Variants in ACLY observed in about 807,000 individuals in gnomAD.
The protein encoded by ACLY is ATP-citrate synthase.
In ACLY, 41 loss-of-function variants were observed where a neutral mutation model predicts 133.0. The observed-to-expected ratio is 0.31, with a 90% CI of 0.24 to 0.40. The LOEUF is 0.40. ACLY is among the 10% of genes least tolerant of loss of function. The probability of loss-of-function intolerance (pLI) is 1.00; values close to 1 mark genes in which losing one functional copy is unlikely to be tolerated. For synonymous variants in ACLY, 495 were observed against 549.3 expected, an observed-to-expected ratio of 0.90 and a Z score of 1.38; for missense variants, 1,046 against 1,453.8, an observed-to-expected ratio of 0.72 and a Z score of 4.56.
intron 14 of ACLY, 82 bp from the exon 15 acceptor site, chr17:41,893,256 C>G: frequency 6.9e-7 from 1 of 1,453,962 alleles, no homozygotes; most frequent in South Asian, 1.4e-5. Context: ...CTGACAGACC[C>G]CTCCACGCCC....
At chr17:41,915,186 C>G (rs898563296) in intron 1 of ACLY, among the ~76,000 whole-genome samples, 10 of 152,190 alleles carry the variant, frequency 6.6e-5, no homozygotes, top group Non-Finnish European at 1.0e-4. Flanking sequence ...AAGACTCTGT[C>G]CTGATACACC....
chr17:41,901,750 C>T lies in ACLY; in HGVS notation c.1129G>A (p.Val377Ile). The stretch of plus-strand genomic sequence containing the variant: ...TGATAGTTGGGGCCACCTCTTCGGA[C>T]AAAGATTGTGACTTCGTGCTCCTTC... ...PLKEHEVTIF[V>I]RRGGPNYQEG... Residue 377 changes from valine to isoleucine, a missense_variant, in exon 11 of 29, where the codon GTC becomes ATC. Transcript: ENST00000352035. The T allele has an allele frequency of 6.2e-7, 1 of 1,608,914 alleles. No homozygotes were observed. Among genetic ancestry groups the T allele is most frequent in the Non-Finnish European group, 8.5e-7 (1 of 1,177,118 alleles).
chr17:41,875,885 G>A (rs1236784647), intron 22 of ACLY, among the ~76,000 whole-genome samples: 26 of 151,800 alleles, frequency 1.7e-4, no homozygotes, highest in African/African-American at 3.9e-4. Context: ...AGTGAGGAGC[G>A]TCTCTGCCTG....
intron 24 of ACLY, 30 bp downstream of exon 24, chr17:41,872,002 C>G: frequency 6.2e-7 from 1 of 1,612,476 alleles, no homozygotes; most frequent in Non-Finnish European, 8.5e-7. Context: ...AGTGTCCCCA[C>G]TGTTCACCTC....
intron 17 of ACLY, 93 bp downstream of exon 17, chr17:41,887,506 G>A: frequency 1.0e-6 from 1 of 978,158 alleles, no homozygotes; most frequent in Admixed American, 1.8e-5. Context: ...AACCTAGGAG[G>A]GAGATAGAGG....
intron 9 of ACLY, 68 bp from the exon 10 acceptor site, chr17:41,904,858 C>T: frequency 1.4e-6 from 2 of 1,473,930 alleles, no homozygotes; most frequent in East Asian, 2.3e-5. Flanking sequence ...CCCAGCAATC[C>T]AACTGAGGAA....
chr17:41,878,246 C>A, intron 21 of ACLY, 50 bp from the exon 22 acceptor site: 1 of 1,362,736 alleles, frequency 7.3e-7, no homozygotes, highest in Middle Eastern at 1.9e-4. Context: ...TTATTTTGGG[C>A]TCCTGTAAGA....
intron 7 of ACLY, 120 bp downstream of exon 7, chr17:41,907,322 C>A: frequency 1.3e-5 from 8 of 634,750 alleles, no homozygotes; most frequent in East Asian, 3.6e-5. Context: ...AAATGCTTCT[C>A]AGTCTTCCTT....
upstream of ACLY, chr17:41,919,167 G>T (rs1440410614): frequency 1.3e-5 from 12 of 924,454 alleles, no homozygotes; most frequent in Admixed American, 4.4e-5. Flanking sequence ...CCCATCCACC[G>T]CCTCTTGGGA....
At chr17:41,875,757 A>T (rs1555626013) in intron 22 of ACLY, among the ~76,000 whole-genome samples, 1 of 152,198 alleles carries the variant, frequency 6.6e-6, no homozygotes, top group Non-Finnish European at 1.5e-5. Context: ...AATGGTGCCC[A>T]GGCTGGAGTG....
chr17:41,889,524 C>CAAAAAA (rs533387140), intron 16 of ACLY, among the ~76,000 whole-genome samples: 4,690 of 31,580 alleles, frequency 0.15, 1,998 homozygotes, highest in South Asian at 0.21. Context: ...CTCCATTTCA[C>CAAAAAA]AAAAAAAAAA....
upstream of ACLY, among the ~76,000 whole-genome samples, chr17:41,919,555 T>C (rs528345310): frequency 6.6e-6 from 1 of 152,218 alleles, no homozygotes; most frequent in African/African-American, 2.4e-5. Context: ...CAGAGCATAC[T>C]TCCCAGTGTG....
chr17:41,886,195 G>A lies in ACLY; in HGVS notation c.1989C>T (p.Ser663=), dbSNP rs782411265. 43 of 1,614,044 alleles carry A rather than the reference G, an allele frequency of 2.7e-5. No individual in the cohort carries two copies. The highest frequency in any genetic ancestry group is 6.7e-5 in the East Asian group (3 of 44,898). ...TGTTGAGCTCGTTGGACATGCCTCC[G>A]GAACGTGAGACATAGGCCACGCTGC... The part of the protein sequence containing the change: ...RPGSVAYVSR[S]GGMSNELNNI... Residue 663 remains serine (S), a synonymous_variant, in exon 18 of 29, where the codon TCC becomes TCT. Coordinates refer to ENST00000352035, the MANE Select transcript of ACLY (RefSeq NM_001096.3).
intron 10 of ACLY, among the ~76,000 whole-genome samples, chr17:41,904,057 T>C (rs1293937426): frequency 2.0e-5 from 3 of 149,510 alleles, no homozygotes; most frequent in Admixed American, 6.8e-5. Flanking sequence ...GCAGAGGCTG[T>C]AGTGAGCTGA....
At chr17:41,912,096 A>G (rs1277282839) in intron 3 of ACLY, among the ~76,000 whole-genome samples, 3 of 151,632 alleles carry the variant, frequency 2.0e-5, no homozygotes, top group South Asian at 4.2e-4. Context: ...CCTGGGCTAC[A>G]GAGCAAGACC....
intron 15 of ACLY, 138 bp downstream of exon 15, chr17:41,892,895 T>A: frequency 9.3e-7 from 1 of 1,080,226 alleles, no homozygotes; most frequent in South Asian, 1.6e-5. Flanking sequence ...CCAGGGCTGG[T>A]CTCAAACTCC....
chr17:41,928,299 TC>T (rs2050266260), intron 1 of ACLY, among the ~76,000 whole-genome samples: 1 of 152,200 alleles, frequency 6.6e-6, no homozygotes, highest in Non-Finnish European at 1.5e-5. Flanking sequence ...GAAAAGAGTA[TC>T]CTTTCTCCAT....
chr17:41,904,355 A>AGGAAGGGAAGGGAAG (rs72114022), intron 10 of ACLY: 1 of 145,020 alleles, frequency 6.9e-6, no homozygotes, highest in African/African-American at 2.8e-5. Flanking sequence ...GAAGGGAAGA[A>AGGAAGGGAAGGGAAG]GGAAGGGAAG....
rs1475839304 is a variant in ACLY, at chr17:41,875,479, C to T, written c.2488-1514G>A. Among the ~76,000 whole-genome samples, 23 of 151,878 alleles carry T rather than the reference C, an allele frequency of 1.5e-4. 1 individual carries two copies. The highest frequency in any genetic ancestry group is 1.5e-3 in the Admixed American group (23 of 15,268). ...TCCCTCTCCCTCTCCCCACGGTCTC[C>T]CTCTGATGCCGAGCCGAAGCTGGAC... is the stretch of plus-strand genomic sequence containing the variant. On this transcript the variant is annotated intron_variant, in intron 22 of 28. Transcript: ENST00000352035.
Sources: gnomAD v4.1 joint callset for allele counts (sites outside exome capture counted in the v4.1 genomes callset) on GRCh38, gnomAD v4.1.1 for gene constraint, MANE v1.5 for transcripts, NCBI Gene and HGNC (gene_info 2026-07-23, HGNC 2026-07-21) for gene names.